Variants in SLC2A1 observed in about 807,000 individuals in gnomAD.
SLC2A1 encodes solute carrier family 2 member 1, also known as solute carrier family 2, facilitated glucose transporter member 1.
In SLC2A1, 4 loss-of-function variants were observed where a neutral mutation model predicts 46.6. That is an observed-to-expected ratio of 0.09 (90% CI 0.04 to 0.20). The LOEUF (loss-of-function observed/expected upper bound fraction) is 0.20. Ranked by LOEUF, SLC2A1 falls within the 10% of genes least tolerant of loss-of-function variation. SLC2A1 has a pLI of 1.00. For synonymous variants in SLC2A1, 253 were observed against 270.0 expected, an observed-to-expected ratio of 0.94 and a Z score of 0.62; for missense variants, 352 against 667.0, an observed-to-expected ratio of 0.53 and a Z score of 5.20.
Position 42,954,946 on chromosome 1 carries a change from C to A in SLC2A1, c.18+3688G>T, listed in dbSNP as rs1160266262. Among the ~76,000 whole-genome samples the A allele has an allele frequency of 6.6e-6, 1 of 152,244 alleles. No homozygotes were observed. The highest frequency in any genetic ancestry group is 2.4e-5 in the African/African-American group (1 of 41,456). On this transcript the variant is annotated intron_variant, in intron 1 of 9. Transcript: ENST00000426263. The surrounding 1 kb of genome is among the most constrained non-coding windows in gnomAD (Gnocchi z 4.2). ...AGCCCAAAGCAGCGCAGGGCACTCA[C>A]ATGAGCTGACCCTCCCTGGCCTGGC...
intron 2 of SLC2A1, among the ~76,000 whole-genome samples, chr1:42,934,876 A>T (rs1770811): frequency 0.24 from 37,036 of 151,994 alleles, 4,773 homozygotes; most frequent in African/African-American, 0.32. Context: ...TTCTCTACCC[A>T]GGCAGCCTGC....
rs1643415827 is a variant in SLC2A1 at position 42,925,502 on chromosome 1, AGT to A, written c.*1537_*1538del. The A allele has an allele frequency of 6.6e-6, 1 of 152,362 alleles. No homozygotes were observed. Among genetic ancestry groups the A allele is most frequent in the African/African-American group, 2.4e-5 (1 of 41,470 alleles). The allele number at this position is 152,362 out of a possible 1,614,324, so 9.4% of individuals were successfully genotyped here. A position where few individuals can be genotyped will look rare whatever the true frequency, so the allele number is the denominator to read the frequency against. ...GGCATCTTCTCATGAAATTCAGACT[AGT>A]GGCAGAAAACTGGACTTGTGATGAA... On this transcript the variant is annotated 3_prime_UTR_variant, in exon 10 of 10. Coordinates refer to ENST00000426263, the MANE Select transcript of SLC2A1 (RefSeq NM_006516.4).
In SLC2A1 at chr1:42,947,565, TACACACACACACAC is replaced by T. The variant is rs373252084; in HGVS notation, c.19-4258_19-4245del. 9.8e-4 allele frequency among the ~76,000 whole-genome samples: 88 copies of T among 89,742 alleles called. 6 individuals carry two copies. Among genetic ancestry groups the T allele is most frequent in the East Asian group, 1.3e-3 (4 of 3,116 alleles). 58.9% of individuals were successfully genotyped at this position (89,742 alleles called of 152,430 possible). On this transcript the variant is annotated intron_variant, in intron 1 of 9. Coordinates refer to ENST00000426263, the MANE Select transcript of SLC2A1 (RefSeq NM_006516.4). Reference sequence around the variant, plus strand: ...GGTGAAACCAGGTCTCTACTAAAATTACACACACACACACACAAAAAAAAAAAAAAAAAAAAAAA... The same window carrying T: ...GGTGAAACCAGGTCTCTACTAAAATTACAAAAAAAAAAAAAAAAAAAAAAA...
At chr1:42,943,170 G>T (rs1643615022) in intron 2 of SLC2A1, 56 bp downstream of exon 2, 6 of 1,135,700 alleles carry the variant, frequency 5.3e-6, no homozygotes, top group South Asian at 1.3e-5. Flanking sequence ...GTGGGCATGT[G>T]TGATGTGCAA....
chr1:42,937,385 G>T (rs957793868), intron 2 of SLC2A1, among the ~76,000 whole-genome samples: 6 of 152,320 alleles, frequency 3.9e-5, no homozygotes, highest in African/African-American at 1.2e-4. Flanking sequence ...GCAACTGTGT[G>T]TGGGAAACCT....
chr1:42,943,006 A>G (rs1193249665), intron 2 of SLC2A1: 2 of 609,376 alleles, frequency 3.3e-6, no homozygotes, highest in South Asian at 1.9e-5. Flanking sequence ...AGACCCCAGG[A>G]TTCTGTGGGA....
In SLC2A1 at chr1:42,926,479, T is replaced by G; in HGVS notation, c.*562A>C. ...TCCAGTGCTCCCAACTGGTCTCAGG[T>G]AAAGAAAGATTAATTTGAGTGGTTG... On this transcript the variant is annotated 3_prime_UTR_variant, in exon 10 of 10. Coordinates refer to ENST00000426263, the MANE Select transcript of SLC2A1 (RefSeq NM_006516.4). 1 of 266,944 alleles carries G rather than the reference T, an allele frequency of 3.7e-6. No homozygotes were observed. The allele number at this position is 266,944 out of a possible 1,614,324, so 16.5% of individuals were successfully genotyped here. A position where few individuals can be genotyped will look rare whatever the true frequency, so the allele number is the denominator to read the frequency against.
chr1:42,950,708 C>T (rs746770921), intron 1 of SLC2A1, among the ~76,000 whole-genome samples: 4 of 152,212 alleles, frequency 2.6e-5, no homozygotes, highest in African/African-American at 4.8e-5. Flanking sequence ...CATGGTGGCT[C>T]ACGCCTGTAA....
Position 42,927,108 on chromosome 1 carries a change from C to A in SLC2A1, c.1412G>T (p.Gly471Val), listed in dbSNP as rs955043564. 6.2e-7 allele frequency: 1 copy of A among 1,613,998 alleles called. No homozygotes were observed. Among genetic ancestry groups the A allele is most frequent in the Non-Finnish European group, 8.5e-7 (1 of 1,180,024 alleles). Reference sequence around the variant, plus strand: ...GGGTGTCTTGTCACTTTGGCTGGCTCCCCCCTGCCGGAAGCCGGAAGCGAT... The same window carrying A: ...GGGTGTCTTGTCACTTTGGCTGGCTACCCCCTGCCGGAAGCCGGAAGCGAT... ...DEIASGFRQG[G>V]ASQSDKTPEE... The change falls in exon 10 of 10, where the codon GGA becomes GTA. Residue 471 changes from glycine (G) to valine (V), a missense_variant. By Grantham distance (109) the Gly-to-Val change is moderately radical (BLOSUM62 -3). Transcript: ENST00000426263. This position sits in a 1 kb window ranked among gnomAD's most constrained non-coding sequence, Gnocchi z 5.3.
At chr1:42,946,861 A>G (rs1000022160) in intron 1 of SLC2A1, among the ~76,000 whole-genome samples, 2 of 152,162 alleles carry the variant, frequency 1.3e-5, no homozygotes, top group Admixed American at 1.3e-4. Flanking sequence ...TTGGAAGCAG[A>G]CCCACGTTTA....
chr1:42,926,061 A>C lies in SLC2A1; in HGVS notation c.*980T>G, dbSNP rs1406235132. The stretch of plus-strand genomic sequence containing the variant: ...TGTAAGGGACTGGATCCTGAGTCGA[A>C]GTCTAAGCCGTTGCAGTGGTTGCAA... On this transcript the variant is annotated 3_prime_UTR_variant, in exon 10 of 10. Transcript: ENST00000426263. 6.6e-6 allele frequency: 1 copy of C among 152,582 alleles called. No individual in the cohort carries two copies. The allele number at this position is 152,582 out of a possible 1,614,324, so 9.5% of individuals were successfully genotyped here. A position where few individuals can be genotyped will look rare whatever the true frequency, so the allele number is the denominator to read the frequency against.
chr1:42,927,798 G>T lies in SLC2A1; in HGVS notation c.1085C>A (p.Pro362His). Residue 362 changes from proline (P) to histidine (H), a missense_variant, in exon 9 of 10, where the codon CCC (proline) becomes CAC (histidine). Transcript: ENST00000426263. This position sits in a 1 kb window ranked among gnomAD's most constrained non-coding sequence, Gnocchi z 5.3. ...CACGATGCTCAGATAGGACATCCAG[G>T]GTAGCTGCTCCTGTTGAGGATGACG... ...TIALALLEQL[P>H]WMSYLSIVAI... 4 of 1,612,722 alleles carry T rather than the reference G, an allele frequency of 2.5e-6. No individual in the cohort carries two copies. The highest frequency in any genetic ancestry group is 3.4e-6 in the Non-Finnish European group (4 of 1,179,314).
intron 1 of SLC2A1, among the ~76,000 whole-genome samples, chr1:42,949,873 G>A (rs2297973): frequency 0.066 from 10,031 of 152,196 alleles, 656 homozygotes; most frequent in African/African-American, 0.16. Flanking sequence ...CAAATTCTAT[G>A]GCTTTCCTGC....
chr1:42,955,500 C>T (rs1479061203), intron 1 of SLC2A1, among the ~76,000 whole-genome samples: 4 of 152,168 alleles, frequency 2.6e-5, no homozygotes, highest in Non-Finnish European at 5.9e-5. Flanking sequence ...GTTCCAGCTA[C>T]TCAAGAGGCT....
At position 42,926,241 on chromosome 1, in the gene SLC2A1, T is replaced by C. The variant is rs1643424796; in HGVS notation, c.*800A>G. ...TACAAGTTGGCTTGTCCAGATATAC[T>C]ATAACTTAGTGTCTGTATTTAATAT... On this transcript the variant is annotated 3_prime_UTR_variant, in exon 10 of 10. Transcript: ENST00000426263. 6.5e-6 allele frequency: 1 copy of C among 152,916 alleles called. No homozygotes were observed. 9.5% of individuals were successfully genotyped at this position (152,916 alleles called of 1,614,324 possible).
At chr1:42,931,403 A>T (rs1474740455) in intron 2 of SLC2A1, among the ~76,000 whole-genome samples, 197 bp from the exon 3 acceptor site, 1 of 152,138 alleles carries the variant, frequency 6.6e-6, no homozygotes. Flanking sequence ...GTTGGAGTTC[A>T]TCTGAGAGCC....
At position 42,929,735 on chromosome 1, in the gene SLC2A1, T is replaced by C; in HGVS notation, c.725A>G (p.Gln242Arg). ...RGTADVTHDLQEMKEESRQMM... is the reference protein window; with the variant it reads ...RGTADVTHDLREMKEESRQMM... ...CTGCCGACTCTCTTCCTTCATCTCC[T>C]GCAGGTCATGGGTCACGTCAGCTGT... Residue 242 changes from glutamine (Q) to arginine (R), a missense_variant, in exon 6 of 10, where the codon CAG becomes CGG. Around this residue, in one of 5 missense-constraint regions of SLC2A1, gnomAD observed 167 missense variants for 280.8 expected, o/e 0.59. Coordinates refer to ENST00000426263, the MANE Select transcript of SLC2A1 (RefSeq NM_006516.4). The surrounding 1 kb of genome is among the most constrained non-coding windows in gnomAD (Gnocchi z 6.0). 6.2e-7 allele frequency: 1 copy of C among 1,614,166 alleles called. No homozygotes were observed. Among genetic ancestry groups the C allele is most frequent in the Non-Finnish European group, 8.5e-7 (1 of 1,180,032 alleles).
rs182061160 is a variant in SLC2A1, at chr1:42,926,441, C to G, written c.*600G>C. On this transcript the variant is annotated 3_prime_UTR_variant, in exon 10 of 10. Coordinates refer to ENST00000426263, the MANE Select transcript of SLC2A1 (RefSeq NM_006516.4). ...GGCAGCCCAGACTGGCCCTTCCCCT[C>G]TCCTCCCTGCACTCCAGTGCTCCCA... The G allele has an allele frequency of 2.2e-4, 51 of 230,698 alleles. No homozygotes were observed. Among genetic ancestry groups the G allele is most frequent in the African/African-American group, 1.1e-3 (50 of 44,644 alleles). The allele number at this position is 230,698 out of a possible 1,614,324, so 14.3% of individuals were successfully genotyped here.
chr1:42,945,410 T>C (rs552444747), intron 1 of SLC2A1, among the ~76,000 whole-genome samples: 8 of 151,264 alleles, frequency 5.3e-5, no homozygotes, highest in Admixed American at 6.6e-5. Flanking sequence ...AGTGTGTATA[T>C]TGTATGCTAC....
Sources: gnomAD v4.1 joint callset for allele counts (sites outside exome capture counted in the v4.1 genomes callset) on GRCh38, gnomAD v4.1.1 for gene constraint, gnomAD v4.1.1 regional missense constraint, Gnocchi (gnomAD v3.1) non-coding constraint, MANE v1.5 for transcripts, NCBI Gene and HGNC (gene_info 2026-07-23, HGNC 2026-07-21) for gene names.